The following NIM1K variants were observed in gnomAD, a reference collection of about 807,000 sequenced individuals.
The protein encoded by NIM1K is serine/threonine-protein kinase NIM1.
NIM1K carries 35 observed loss-of-function variants against 37.1 expected under a neutral mutation model. That is an observed-to-expected ratio of 0.94 (90% CI 0.72 to 1.25). NIM1K has a LOEUF of 1.25. Among genes scored for constraint, NIM1K ranks in the 50% most tolerant of loss-of-function variants. NIM1K has a pLI of 0.00. For synonymous variants in NIM1K, 234 were observed against 206.6 expected (o/e 1.13, Z -1.14); for missense variants, 564 against 548.0 (o/e 1.03, Z -0.29).
intron 1 of NIM1K, among the ~76,000 whole-genome samples, chr5:43,213,315 C>CTTTTCTTTTCTTTTG (rs1752247093): frequency 1.8e-5 from 2 of 113,384 alleles, no homozygotes; most frequent in African/African-American, 6.5e-5. Flanking sequence ...CTTTTCTTTT[C>CTTTTCTTTTCTTTTG]TTTTCTTTTC....
At chr5:43,253,862 C>T (rs1752903902) in intron 2 of NIM1K, among the ~76,000 whole-genome samples, 1 of 152,056 alleles carries the variant, frequency 6.6e-6, no homozygotes, top group Non-Finnish European at 1.5e-5. Flanking sequence ...GGGGTTTCAC[C>T]ATCTTGGCCA....
intron 2 of NIM1K, among the ~76,000 whole-genome samples, chr5:43,254,521 TATAA>T (rs1752912677): frequency 6.6e-6 from 1 of 152,210 alleles, no homozygotes; most frequent in Non-Finnish European, 1.5e-5. Context: ...CCATGTGTGT[TATAA>T]ATAATAAACA....
At chr5:43,257,819 G>A (rs913627253) in intron 2 of NIM1K, among the ~76,000 whole-genome samples, 3 of 151,178 alleles carry the variant, frequency 2.0e-5, no homozygotes, top group African/African-American at 7.3e-5. Flanking sequence ...CAGCTACTTG[G>A]GAGACTGAGC....
chr5:43,269,413 T>A (rs1340508486), intron 2 of NIM1K, among the ~76,000 whole-genome samples: 1 of 151,448 alleles, frequency 6.6e-6, no homozygotes, highest in East Asian at 1.9e-4. Flanking sequence ...CTTGTGTGAA[T>A]CCTTATGCAT....
rs777242071 is a variant in NIM1K at position 43,245,785 on chromosome 5, G to C, written c.10G>C (p.Val4Leu). The C allele has an allele frequency of 6.2e-7, 1 of 1,601,450 alleles. No individual in the cohort carries two copies. Among genetic ancestry groups the C allele is most frequent in the South Asian group, 1.1e-5 (1 of 89,434 alleles). Residue 4 changes from valine to leucine, a missense_variant, in exon 2 of 4, where the codon GTG becomes CTG. Transcript: ENST00000326035. Reference protein sequence around the residue: MTAVYMNGGGLVNP... With the variant: MTALYMNGGGLVNP... ...TGAGCCCCCGTGGACGATGACTGCA[G>C]TGTATATGAATGGAGGTGGCCTGGT...
chr5:43,228,689 G>C (rs114176547), intron 1 of NIM1K, among the ~76,000 whole-genome samples: 1 of 151,678 alleles, frequency 6.6e-6, no homozygotes, highest in African/African-American at 2.4e-5. Context: ...AAATCAGCTA[G>C]GTGTGGCAGG....
chr5:43,216,183 A>C (rs1752297618), intron 1 of NIM1K, among the ~76,000 whole-genome samples: 1 of 152,112 alleles, frequency 6.6e-6, no homozygotes, highest in Admixed American at 6.5e-5. Context: ...TGTATGGACT[A>C]AATAAGGCTT....
intron 1 of NIM1K, among the ~76,000 whole-genome samples, chr5:43,219,160 A>G (rs1018939775): frequency 3.3e-5 from 5 of 152,114 alleles, no homozygotes; most frequent in Non-Finnish European, 7.4e-5. Flanking sequence ...GCCCTGTGGA[A>G]CCATGAATTA....
At chr5:43,271,854 A>C (rs1579613024) in intron 2 of NIM1K, among the ~76,000 whole-genome samples, 1 of 152,200 alleles carries the variant, frequency 6.6e-6, no homozygotes. Context: ...GACTCCTGCC[A>C]GCCACTAATC....
chr5:43,256,611 C>G (rs1561089159), intron 2 of NIM1K, among the ~76,000 whole-genome samples: 1 of 152,164 alleles, frequency 6.6e-6, no homozygotes, highest in South Asian at 2.1e-4. Flanking sequence ...TCAGTGCTTG[C>G]AGGACTGACC....
intron 1 of NIM1K, among the ~76,000 whole-genome samples, chr5:43,196,525 C>G (rs957872779): frequency 6.6e-6 from 1 of 151,328 alleles, no homozygotes; most frequent in Non-Finnish European, 1.5e-5. Context: ...GTCCCAGCTA[C>G]TCGGGAGGCT....
intron 2 of NIM1K, among the ~76,000 whole-genome samples, chr5:43,273,927 T>C (rs982765014): frequency 6.6e-5 from 10 of 152,364 alleles, no homozygotes; most frequent in African/African-American, 2.4e-4. Flanking sequence ...TCTTTTTCAC[T>C]GCCTGGTGTA....
At chr5:43,224,377 G>T (rs1420637958) in intron 1 of NIM1K, among the ~76,000 whole-genome samples, 2 of 151,744 alleles carry the variant, frequency 1.3e-5, no homozygotes, top group Non-Finnish European at 2.9e-5. Flanking sequence ...GGAGGCAGAG[G>T]TGGCAGTGAG....
At chr5:43,232,168 G>C in intron 1 of NIM1K, 2 of 988,810 alleles carry the variant, frequency 2.0e-6, no homozygotes, top group Non-Finnish European at 3.1e-6. Flanking sequence ...GGTCTTGATT[G>C]ATGGTGGCAA....
chr5:43,230,748 G>T (rs143911708), intron 1 of NIM1K, among the ~76,000 whole-genome samples: 4 of 152,288 alleles, frequency 2.6e-5, no homozygotes, highest in African/African-American at 9.6e-5. Flanking sequence ...ACAGATGAAG[G>T]GGGGATAACA....
intron 2 of NIM1K, among the ~76,000 whole-genome samples, chr5:43,271,075 A>G (rs1376978975): frequency 6.6e-6 from 1 of 150,432 alleles, no homozygotes; most frequent in Non-Finnish European, 1.5e-5. Context: ...ACCTACTTAC[A>G]AGCTTCCAGC....
Position 43,279,960 on chromosome 5 carries a change from C to A in NIM1K, c.562-20C>A. ...ACATTTTACTGTAAAAATGACTTTTCTCTATGTCTTCTTCCACAGCATGAA... is the reference window on the plus strand; with the variant it reads ...ACATTTTACTGTAAAAATGACTTTTATCTATGTCTTCTTCCACAGCATGAA... On this transcript the variant is annotated intron_variant, in intron 3 of 3. Transcript: ENST00000326035. 6.3e-7 allele frequency: 1 copy of A among 1,589,012 alleles called. No individual in the cohort carries two copies. Among genetic ancestry groups the A allele is most frequent in the Non-Finnish European group, 8.6e-7 (1 of 1,162,408 alleles).
chr5:43,245,898 G>A lies in NIM1K; in HGVS notation c.123G>A (p.Gln41=). 1.9e-6 allele frequency: 3 copies of A among 1,614,152 alleles called. No individual in the cohort carries two copies. The highest frequency in any genetic ancestry group is 2.5e-6 in the Non-Finnish European group (3 of 1,180,020). Residue 41 remains glutamine, a synonymous_variant, in exon 2 of 4, where the codon CAG becomes CAA. Transcript: ENST00000326035. ...GTAGCAAGGAGGGTGAGGAGGGACA[G>A]CCCCGCCAGCTGACGCCCTTCGAGA... The part of the protein sequence containing the change: ...TESSKEGEEG[Q]PRQLTPFEKL...
Position 43,280,651 on chromosome 5 carries a change from T to C in NIM1K, c.1233T>C (p.Pro411=), listed in dbSNP as rs1326917894. Residue 411 remains proline (P), a synonymous_variant, in exon 4 of 4, where the codon CCT becomes CCC. Transcript: ENST00000326035. ...TCCCAGTCATGATGCTACCAGACCC[T>C]AAAGAAAGAGACCTCAAAAAAGGGT... ...ESVPVMMLPD[P]KERDLKKGSR... is the part of the protein sequence containing the mutation. 35 of 1,613,770 alleles carry C rather than the reference T, an allele frequency of 2.2e-5. No homozygotes were observed. The highest frequency in any genetic ancestry group is 2.8e-5 in the Non-Finnish European group (33 of 1,179,978).
Sources: gnomAD v4.1 joint callset for allele counts (sites outside exome capture counted in the v4.1 genomes callset) on GRCh38, gnomAD v4.1.1 for gene constraint, MANE v1.5 for transcripts, NCBI Gene and HGNC (gene_info 2026-07-23, HGNC 2026-07-21) for gene names.